MUTYH: variants seen among roughly 807,000 people sequenced by gnomAD.
MUTYH encodes the protein adenine DNA glycosylase.
In MUTYH, 64 loss-of-function variants were observed where a neutral mutation model predicts 72.9. That is an observed-to-expected ratio of 0.88 (90% CI 0.72 to 1.08). The LOEUF is 1.08. MUTYH is among the 50% of genes least tolerant of loss of function. The pLI is 0.00. For synonymous variants in MUTYH, 234 were observed against 263.1 expected (o/e 0.89, Z 1.07); for missense variants, 633 against 671.0 (o/e 0.94, Z 0.63).
intron 1 of MUTYH, chr1:45,338,454 A>T (rs1385087115): frequency 2.6e-6 from 1 of 388,720 alleles, no homozygotes; most frequent in Non-Finnish European, 5.0e-6. Flanking sequence ...GAAATGTCCA[A>T]ATCAGGTCCC....
chr1:45,330,354 C>T (rs1644580608), intron 15 of MUTYH, among the ~76,000 whole-genome samples, 162 bp downstream of exon 15: 1 of 152,014 alleles, frequency 6.6e-6, no homozygotes, highest in South Asian at 2.1e-4. Flanking sequence ...TTTCCCTCTA[C>T]CCTGCACCCC....
rs950788568 is a variant in MUTYH at position 45,331,079 on chromosome 1, C to T, written c.1392+103G>A. 9.4e-6 allele frequency: 14 copies of T among 1,495,098 alleles called. No homozygotes were observed. The African/African-American group carries it at 9.7e-5, about 10-fold the overall frequency. The allele number at this position is 1,495,098 out of a possible 1,614,324, so 92.6% of individuals were successfully genotyped here. The stretch of plus-strand genomic sequence containing the variant: ...CAGCCTGGGCAACAGAGCGATTCTC[C>T]GTCTCAAAAAAAAATGCTTTTTTTC... On this transcript the variant is annotated intron_variant, in intron 14 of 15. Transcript: ENST00000456914.
chr1:45,333,488 A>G lies in MUTYH; in HGVS notation c.189T>C (p.Ala63=), dbSNP rs1570443734. Residue 63 remains alanine, a synonymous_variant, in exon 3 of 16, where the codon GCT becomes GCC. Coordinates refer to ENST00000456914, the MANE Select transcript of MUTYH (RefSeq NM_001048174.2). ...VSSYHLFRDV[A]EVTAFRGSLL... The stretch of plus-strand genomic sequence containing the variant: ...GGCTCCCTCGGAAGGCTGTGACTTC[A>G]GCTACGTCTCTGAATAGATGGTATG... 1.9e-6 allele frequency: 3 copies of G among 1,614,194 alleles called. No individual in the cohort carries two copies. Among genetic ancestry groups the G allele is most frequent in the Non-Finnish European group, 8.5e-7 (1 of 1,180,036 alleles).
chr1:45,330,666 T>G, intron 14 of MUTYH, 109 bp from the exon 15 acceptor site: 2 of 1,355,550 alleles, frequency 1.5e-6, no homozygotes, highest in Non-Finnish European at 2.1e-6. Flanking sequence ...ATATGCTTTT[T>G]TGGCCAGGCA....
chr1:45,329,661 TCTC>T (rs1204109941), intron 15 of MUTYH, among the ~76,000 whole-genome samples: 1 of 152,170 alleles, frequency 6.6e-6, no homozygotes, highest in South Asian at 2.1e-4. Flanking sequence ...CTGACTCCTC[TCTC>T]CTCCACCTAA....
Position 45,329,271 on chromosome 1 carries a change from A to G in MUTYH, c.*35T>C. On this transcript the variant is annotated 3_prime_UTR_variant, in exon 16 of 16. Coordinates refer to ENST00000456914, the MANE Select transcript of MUTYH (RefSeq NM_001048174.2). ...TACAAAAATAAGCACTTTACTAACA[A>G]CAGGATTCTCAGGGAATGGGGGCTT... The G allele has an allele frequency of 6.2e-7, 1 of 1,613,890 alleles. No individual in the cohort carries two copies. The highest frequency in any genetic ancestry group is 8.5e-7 in the Non-Finnish European group (1 of 1,179,806).
chr1:45,340,199 G>C (rs540793556), upstream of MUTYH: 58 of 1,613,420 alleles, frequency 3.6e-5, no homozygotes, highest in Admixed American at 1.0e-4. Flanking sequence ...GCCAGGAGAC[G>C]GACCGCAAGT....
rs764941200 is a variant in MUTYH, at chr1:45,331,747, G to C, written c.1016C>G (p.Pro339Arg). The change falls in exon 12 of 16, where the codon CCC (proline) becomes CGC (arginine). Residue 339 changes from proline (P) to arginine (R), a missense_variant. Coordinates refer to ENST00000456914, the MANE Select transcript of MUTYH (RefSeq NM_001048174.2). ...NFPRKASRKP[P>R]REESSATCVL... is the part of the protein sequence containing the mutation. ...ACAGGTGGCAGAGCTCTCCTCCCTG[G>C]GGGGCTTGCGGCTGGCCTTTCTGGG... The C allele has an allele frequency of 1.2e-6, 2 of 1,614,116 alleles. No homozygotes were observed. The highest frequency in any genetic ancestry group is 8.5e-7 in the Non-Finnish European group (1 of 1,179,998).
chr1:45,339,964 G>A lies in MUTYH; in HGVS notation c.-72C>T, dbSNP rs1450242927. 1.3e-6 allele frequency: 2 copies of A among 1,518,068 alleles called. No individual in the cohort carries two copies. The highest frequency in any genetic ancestry group is 2.4e-5 in the South Asian group (2 of 83,654). The allele number at this position is 1,518,068 out of a possible 1,614,324, so 94.0% of individuals were successfully genotyped here. On this transcript the variant is annotated 5_prime_UTR_variant, in exon 1 of 16. Transcript: ENST00000456914. The stretch of plus-strand genomic sequence containing the variant: ...CCGCGTTCCCGCCGCGAGAGCAGGA[G>A]AGAAAGATTACCTCCCGCGAGCTCT...
Position 45,332,660 on chromosome 1 carries a change from G to C in MUTYH, c.520C>G (p.Pro174Ala). Residue 174 changes from proline (P) to alanine (A), a missense_variant, in exon 8 of 16, where the codon CCA becomes GCA. Coordinates refer to ENST00000456914, the MANE Select transcript of MUTYH (RefSeq NM_001048174.2). ...TGCTGCAGGGTCTCTGCTGTACGTG[G>C]CATGTGGCCCCCTAGCTCCTCTACC... The part of the protein sequence containing the change: ...KVVEELGGHM[P>A]RTAETLQQLL... 6.2e-7 allele frequency: 1 copy of C among 1,614,068 alleles called. No individual in the cohort carries two copies. Among genetic ancestry groups the C allele is most frequent in the Non-Finnish European group, 8.5e-7 (1 of 1,179,976 alleles).
In MUTYH at chr1:45,331,722, A is replaced by T. The variant is rs1114167685; in HGVS notation, c.1041T>A (p.Cys347Ter). 1 of 1,614,170 alleles carries T rather than the reference A, an allele frequency of 6.2e-7. No individual in the cohort carries two copies. The highest frequency in any genetic ancestry group is 8.5e-7 in the Non-Finnish European group (1 of 1,180,032). ...CAAGGGCCCCAGGCTGTTCCAGAAC[A>T]CAGGTGGCAGAGCTCTCCTCCCTGG... Reference protein sequence around the residue: ...KPPREESSATCVLEQPGALGA... With the variant: ...KPPREESSAT Residue 347 changes from cysteine (C) to a stop codon, truncating the protein, a stop_gained, in exon 12 of 16, where the codon TGT (cysteine) becomes TGA (stop). Transcript: ENST00000456914. LOFTEE classifies it high-confidence loss of function.
chr1:45,333,023 C>T (rs2149163016), intron 5 of MUTYH, 64 bp from the exon 6 acceptor site: 1 of 1,613,546 alleles, frequency 6.2e-7, no homozygotes, highest in Non-Finnish European at 8.5e-7. Context: ...GAAGCCTTCT[C>T]TACACCCACC....
Position 45,338,750 on chromosome 1 carries a change from T to TTG in MUTYH, c.-7+1148_-7+1149insCA, listed in dbSNP as rs147794295. ...AAAGAGTTTTTTTATTTTTGTTTTT[T>TTG]TTTTGTTTGTTTGTTTTGTTTTTAG... On this transcript the variant is annotated intron_variant, in intron 1 of 15. Coordinates refer to ENST00000456914, the MANE Select transcript of MUTYH (RefSeq NM_001048174.2). The TTG allele has an allele frequency of 0.47, 72,788 of 156,306 alleles. 17,666 individuals are homozygous for TTG. Among genetic ancestry groups the TTG allele is most frequent in the South Asian group, 0.59 (2,934 of 4,996 alleles). The allele number at this position is 156,306 out of a possible 1,614,324, so 9.7% of individuals were successfully genotyped here. A position where few individuals can be genotyped will look rare whatever the true frequency, so the allele number is the denominator to read the frequency against.
chr1:45,333,440 C>G lies in MUTYH; in HGVS notation c.237G>C (p.Glu79Asp). The stretch of plus-strand genomic sequence containing the variant: ...GTCTTCTCCATGGTAGGTCCCGTTT[C>G]TCTTGGTCGTACCAGCTTAGCAGGC... Reference protein sequence around the residue: ...RGSLLSWYDQEKRDLPWRRRA... With the variant: ...RGSLLSWYDQDKRDLPWRRRA... The change falls in exon 3 of 16, where the codon GAG becomes GAC. Residue 79 changes from glutamate to aspartate, a missense_variant. Physicochemically the swap from Glu to Asp is conservative, Grantham distance 45. Coordinates refer to ENST00000456914, the MANE Select transcript of MUTYH (RefSeq NM_001048174.2). 6.2e-7 allele frequency: 1 copy of G among 1,614,256 alleles called. No individual in the cohort carries two copies. The highest frequency in any genetic ancestry group is 1.1e-5 in the South Asian group (1 of 91,084).
upstream of MUTYH, chr1:45,340,403 A>T (rs536528557): frequency 1.3e-6 from 2 of 1,540,754 alleles, no homozygotes; most frequent in African/African-American, 1.4e-5. Context: ...GCTTCAGAGG[A>T]CTGCTCCTTC....
chr1:45,339,534 A>T (rs1345740779), intron 1 of MUTYH: 1 of 274,368 alleles, frequency 3.6e-6, no homozygotes, highest in African/African-American at 2.3e-5. Flanking sequence ...TTTCAAATTC[A>T]ATCACCCTCT....
Position 45,339,937 on chromosome 1 carries a change from C to A in MUTYH, c.-45G>T, listed in dbSNP as rs748796325. 4 of 1,469,204 alleles carry A rather than the reference C, an allele frequency of 2.7e-6. No homozygotes were observed. The highest frequency in any genetic ancestry group is 1.2e-5 in the South Asian group (1 of 83,408). 91.0% of individuals were successfully genotyped at this position (1,469,204 alleles called of 1,614,324 possible). A position where few individuals can be genotyped will look rare whatever the true frequency, so the allele number is the denominator to read the frequency against. ...TGATGAAGACAGCAGAACACGGAGG[C>A]CCCGCGTTCCCGCCGCGAGAGCAGG... On this transcript the variant is annotated 5_prime_UTR_variant, in exon 1 of 16. Coordinates refer to ENST00000456914, the MANE Select transcript of MUTYH (RefSeq NM_001048174.2).
chr1:45,329,371 G>A lies in MUTYH; in HGVS notation c.1501C>T (p.Leu501=). Residue 501 remains leucine (L), a synonymous_variant, in exon 16 of 16, where the codon CTG becomes TTG. Transcript: ENST00000456914. ...RKKPRMGQQV[L]DNFFRSHIST... ...ATGTGAGACCGAAAGAAATTATCCA[G>A]GACTTGCTGGCCCATGCGGGGCTTT... is the stretch of plus-strand genomic sequence containing the variant. 1 of 1,614,220 alleles carries A rather than the reference G, an allele frequency of 6.2e-7. No individual in the cohort carries two copies. The highest frequency in any genetic ancestry group is 8.5e-7 in the Non-Finnish European group (1 of 1,180,032).
Position 45,334,361 on chromosome 1 carries a change from T to C in MUTYH, c.115+30A>G, listed in dbSNP as rs3219485. 52,404 of 1,613,254 alleles carry C rather than the reference T, an allele frequency of 0.032. 987 individuals carry two copies. The highest frequency in any genetic ancestry group is 0.039 in the Non-Finnish European group (46,240 of 1,179,550). ...GCCTGAATCTGCCTTTCATGGCCAA[T>C]GAGCCTTGGGCCACAACCTAGTTCC... is the stretch of plus-strand genomic sequence containing the variant. On this transcript the variant is annotated intron_variant, in intron 2 of 15. Transcript: ENST00000456914.
Sources: gnomAD v4.1 joint callset for allele counts (sites outside exome capture counted in the v4.1 genomes callset) on GRCh38, gnomAD v4.1.1 for gene constraint, MANE v1.5 for transcripts, NCBI Gene and HGNC (gene_info 2026-07-23, HGNC 2026-07-21) for gene names.